The following TANC1 variants were observed in gnomAD, a reference collection of about 807,000 sequenced individuals.
The protein encoded by TANC1 is protein TANC1.
A neutral mutation model predicts 149.7 loss-of-function variants in TANC1; 77 were observed. The ratio of observed to expected loss-of-function variants is 0.51; its 90% CI spans 0.43 to 0.62. TANC1 has a LOEUF of 0.62. Ranked by LOEUF, TANC1 falls within the 20% of genes least tolerant of loss-of-function variation. TANC1 has a pLI of 0.00. For missense variants in TANC1, 1,985 were observed against 2,321.8 expected, an observed-to-expected ratio of 0.85 and a Z score of 2.98; for synonymous variants, 854 against 925.0, an observed-to-expected ratio of 0.92 and a Z score of 1.39.
At chr2:159,192,276 C>T (rs985534458) in intron 16 of TANC1, among the ~76,000 whole-genome samples, 2 of 152,084 alleles carry the variant, frequency 1.3e-5, no homozygotes, top group East Asian at 1.9e-4. Context: ...TTACTTTTGG[C>T]CTTATCTCAC....
intron 19 of TANC1, among the ~76,000 whole-genome samples, chr2:159,201,143 C>T (rs940874088): frequency 6.6e-6 from 1 of 152,216 alleles, no homozygotes; most frequent in Admixed American, 6.5e-5. Flanking sequence ...TGGTACCTTT[C>T]TCTTGTGCCC....
chr2:159,117,717 TTTTTTTTTTTTTTTA>T (rs1450841023), intron 4 of TANC1, among the ~76,000 whole-genome samples: 1 of 149,150 alleles, frequency 6.7e-6, no homozygotes. Flanking sequence ...TTTTTTTTTT[TTTTTTTTTTTTTTTA>T]AAGCTTATTC....
chr2:159,099,958 G>A (rs1364515361), intron 4 of TANC1, among the ~76,000 whole-genome samples: 25 of 152,122 alleles, frequency 1.6e-4, no homozygotes, highest in Admixed American at 1.6e-3. Context: ...GCTTTTAAAA[G>A]TATCACTGAG....
intron 14 of TANC1, among the ~76,000 whole-genome samples, chr2:159,184,974 C>T (rs1045939917): frequency 6.6e-5 from 10 of 152,202 alleles, no homozygotes; most frequent in Admixed American, 2.6e-4. Flanking sequence ...ATAATGCATG[C>T]TTTTAATCAT....
At chr2:158,999,158 A>C (rs932097215) in intron 1 of TANC1, among the ~76,000 whole-genome samples, 1 of 152,174 alleles carries the variant, frequency 6.6e-6, no homozygotes, top group Non-Finnish European at 1.5e-5. Context: ...TCAGATAGGA[A>C]GTTTCTGAGG....
At chr2:159,224,459 G>T in intron 23 of TANC1, 95 bp downstream of exon 23, 3 of 1,405,846 alleles carry the variant, frequency 2.1e-6, no homozygotes, top group Non-Finnish European at 3.0e-6. Flanking sequence ...CCCAGGTTAG[G>T]AAGTAAGATG....
intron 3 of TANC1, among the ~76,000 whole-genome samples, chr2:159,086,362 C>T (rs1364515940): frequency 6.6e-6 from 1 of 152,010 alleles, no homozygotes; most frequent in African/African-American, 2.4e-5. Flanking sequence ...TAGGGTGAAG[C>T]TGATCCAGAA....
chr2:159,037,140 T>C lies in TANC1; in HGVS notation c.-15-28756T>C, dbSNP rs572692531. 2.0e-5 allele frequency among the ~76,000 whole-genome samples: 3 copies of C among 152,378 alleles called. No individual in the cohort carries two copies. The East Asian group carries it at 5.8e-4, about 29-fold the overall frequency. On this transcript the variant is annotated intron_variant, in intron 2 of 26. Coordinates refer to ENST00000263635, the MANE Select transcript of TANC1 (RefSeq NM_033394.3). ...TGATGAGCATTTTTTCATGTGTCTG[T>C]TGGCTGCATAAATGTCTTCTTTTGA...
intron 15 of TANC1, among the ~76,000 whole-genome samples, chr2:159,186,501 G>C (rs2056980287): frequency 6.6e-6 from 1 of 152,170 alleles, no homozygotes; most frequent in South Asian, 2.1e-4. Context: ...AAATTAGCTG[G>C]GAGTGGTGGC....
intron 4 of TANC1, among the ~76,000 whole-genome samples, chr2:159,112,708 T>C (rs946270291): frequency 3.3e-5 from 5 of 152,112 alleles, no homozygotes; most frequent in African/African-American, 1.2e-4. Flanking sequence ...CCTGAGTAGC[T>C]AGGACTACAG....
chr2:159,047,195 C>G (rs147149850), intron 2 of TANC1, among the ~76,000 whole-genome samples: 124 of 151,128 alleles, frequency 8.2e-4, no homozygotes, highest in African/African-American at 2.7e-3. Flanking sequence ...ATTTCCCCCC[C>G]CCAGTTATTG....
rs1165482866 is a variant in TANC1, at chr2:159,175,160, G to T, written c.1711G>T (p.Glu571Ter). Residue 571 changes from glutamate to a stop codon, truncating the protein, a stop_gained, in exon 12 of 27, where the codon GAG becomes TAG. Coordinates refer to ENST00000263635, the MANE Select transcript of TANC1 (RefSeq NM_033394.3). LOFTEE classifies it high-confidence loss of function. ...PVAAFKRGVL[E>*]PLTNLRNEQK... Reference sequence around the variant, plus strand: ...GGCAGCTTTCAAGAGGGGAGTGCTGGAGCCACTCACAAACCTGAGAAATGG... The same window carrying T: ...GGCAGCTTTCAAGAGGGGAGTGCTGTAGCCACTCACAAACCTGAGAAATGG... 6.2e-7 allele frequency: 1 copy of T among 1,614,076 alleles called. No homozygotes were observed.
At chr2:159,052,951 AT>A (rs1226989763) in intron 2 of TANC1, among the ~76,000 whole-genome samples, 1 of 152,224 alleles carries the variant, frequency 6.6e-6, no homozygotes, top group Admixed American at 6.5e-5. Flanking sequence ...TTTCAATATA[AT>A]TAGTTTTCTT....
intron 18 of TANC1, 33 bp downstream of exon 18, chr2:159,196,826 CAAG>C (rs746116896): frequency 1.3e-6 from 2 of 1,573,908 alleles, no homozygotes; most frequent in South Asian, 1.1e-5. Context: ...TCCTGGGAAA[CAAG>C]AAGCTGTAGC....
chr2:159,153,166 C>T (rs1262734950), intron 7 of TANC1, among the ~76,000 whole-genome samples: 3 of 152,160 alleles, frequency 2.0e-5, no homozygotes, highest in African/African-American at 7.2e-5. Flanking sequence ...TTGCCAGTGT[C>T]GAGTTGCATC....
chr2:159,162,683 A>C (rs914866076), intron 7 of TANC1, among the ~76,000 whole-genome samples: 3 of 152,170 alleles, frequency 2.0e-5, no homozygotes, highest in African/African-American at 7.2e-5. Flanking sequence ...CCTGCGCTGG[A>C]TATGGGAAGG....
Position 159,194,359 on chromosome 2 carries a change from G to T in TANC1, c.2845G>T (p.Glu949Ter), listed in dbSNP as rs1179426836. 1 of 1,614,180 alleles carries T rather than the reference G, an allele frequency of 6.2e-7. No individual in the cohort carries two copies. The highest frequency in any genetic ancestry group is 8.5e-7 in the Non-Finnish European group (1 of 1,180,066). Residue 949 changes from glutamate to a stop codon, truncating the protein, a stop_gained, in exon 17 of 27, where the codon GAA becomes TAA. Transcript: ENST00000263635. LOFTEE classifies it high-confidence loss of function. Reference protein sequence around the residue: ...LCVQSHLGHEEVVTLLLEFGA... With the variant: ...LCVQSHLGHE ...CGTCCAGTCTCACCTTGGCCACGAG[G>T]AAGTTGTCACTCTGCTCCTGGAATT...
In TANC1 at chr2:159,225,747, A is replaced by C. The variant is rs2059984534; in HGVS notation, c.3871A>C (p.Lys1291Gln). 1 of 1,614,118 alleles carries C rather than the reference A, an allele frequency of 6.2e-7. No individual in the cohort carries two copies. The highest frequency in any genetic ancestry group is 8.5e-7 in the Non-Finnish European group (1 of 1,179,944). ...KPDILIILLQ[K>Q]LMEEGNVMYK... ...TGATATCTTGATTATACTTTTACAGAAATTAATGGAGGAAGGAAATGTGAT... is the reference window on the plus strand; with the variant it reads ...TGATATCTTGATTATACTTTTACAGCAATTAATGGAGGAAGGAAATGTGAT... The change falls in exon 24 of 27, where the codon AAA becomes CAA. Residue 1291 changes from lysine (K) to glutamine (Q), a missense_variant. By Grantham distance (53) the Lys-to-Gln change is moderately conservative. Transcript: ENST00000263635.
intron 2 of TANC1, among the ~76,000 whole-genome samples, chr2:159,040,767 T>C (rs367690520): frequency 2.5e-4 from 38 of 152,342 alleles, no homozygotes; most frequent in Admixed American, 9.8e-4. Context: ...TTCTGTCAAC[T>C]AGTCAAAGTC....
Sources: gnomAD v4.1 joint callset for allele counts (sites outside exome capture counted in the v4.1 genomes callset) on GRCh38, gnomAD v4.1.1 for gene constraint, MANE v1.5 for transcripts, NCBI Gene and HGNC (gene_info 2026-07-23, HGNC 2026-07-21) for gene names.